HLCS: variants seen among roughly 807,000 people sequenced by gnomAD.
HLCS encodes holocarboxylase synthetase.
A neutral mutation model predicts 75.0 loss-of-function variants in HLCS; 53 were observed. That is an observed-to-expected ratio of 0.71 (90% CI 0.57 to 0.89). The LOEUF (loss-of-function observed/expected upper bound fraction) is 0.89. Among genes scored for constraint, HLCS ranks in the 40% least tolerant of loss-of-function variants. The pLI, the probability that HLCS is intolerant of heterozygous loss-of-function variation, is 0.00. For synonymous variants in HLCS, 431 were observed against 428.6 expected (o/e 1.01, Z -0.07); for missense variants, 966 against 1,074.0 (o/e 0.90, Z 1.41).
intron 6 of HLCS, among the ~76,000 whole-genome samples, chr21:36,797,007 T>C (rs897483225): frequency 5.3e-5 from 8 of 151,948 alleles, no homozygotes; most frequent in African/African-American, 1.9e-4. Context: ...GCTGGGACTA[T>C]AGGTGCACAC....
At chr21:36,896,477 CT>C in intron 6 of HLCS, 1 of 277,600 alleles carries the variant, frequency 3.6e-6, no homozygotes, top group Non-Finnish European at 6.9e-6. Context: ...TCAAATGCCC[CT>C]GAAAAACATC....
chr21:36,841,742 T>G (rs1361822200), intron 6 of HLCS, among the ~76,000 whole-genome samples: 1 of 152,234 alleles, frequency 6.6e-6, no homozygotes, highest in African/African-American at 2.4e-5. Flanking sequence ...CACAGGCAAC[T>G]AAGACGTGAG....
chr21:36,828,761 C>T (rs766642388), intron 6 of HLCS, among the ~76,000 whole-genome samples: 7 of 152,122 alleles, frequency 4.6e-5, no homozygotes, highest in African/African-American at 9.7e-5. Flanking sequence ...TACTTAAGTC[C>T]ACCATAAGCA....
intron 6 of HLCS, among the ~76,000 whole-genome samples, chr21:36,780,756 A>G (rs2060502346): frequency 1.3e-5 from 2 of 152,134 alleles, no homozygotes; most frequent in Non-Finnish European, 1.5e-5. Context: ...CAGAACCCCC[A>G]CTACTGCACA....
At chr21:36,932,075 C>T (rs995371241) in intron 4 of HLCS, among the ~76,000 whole-genome samples, 3 of 152,214 alleles carry the variant, frequency 2.0e-5, no homozygotes, top group Non-Finnish European at 2.9e-5. Flanking sequence ...ACTCCCCCAC[C>T]AGTAGTACCC....
intron 6 of HLCS, among the ~76,000 whole-genome samples, chr21:36,775,993 T>C (rs532723381): frequency 6.6e-6 from 1 of 152,338 alleles, no homozygotes; most frequent in South Asian, 2.1e-4. Flanking sequence ...GAAGAAGTCC[T>C]TCCTCACAGA....
At chr21:36,940,067 A>C (rs888297664) in intron 2 of HLCS, among the ~76,000 whole-genome samples, 8 of 152,116 alleles carry the variant, frequency 5.3e-5, no homozygotes, top group Admixed American at 4.6e-4. Flanking sequence ...AAATAAATAA[A>C]TATAATTTAA....
chr21:36,948,996 T>C (rs2067546215), intron 2 of HLCS, among the ~76,000 whole-genome samples: 2 of 152,104 alleles, frequency 1.3e-5, no homozygotes, highest in South Asian at 2.1e-4. Flanking sequence ...AGAAGAATGT[T>C]ATTATTGTGT....
chr21:36,938,421 A>C (rs1171697789), intron 3 of HLCS, among the ~76,000 whole-genome samples: 1 of 152,194 alleles, frequency 6.6e-6, no homozygotes, highest in Non-Finnish European at 1.5e-5. Flanking sequence ...AAACCTGTGG[A>C]CTGAATTAAA....
chr21:36,898,186 C>A (rs2065087938), intron 5 of HLCS, among the ~76,000 whole-genome samples: 1 of 152,126 alleles, frequency 6.6e-6, no homozygotes, highest in African/African-American at 2.4e-5. Context: ...TGGTTCACAC[C>A]TGTAATCCCA....
chr21:36,897,272 C>T, intron 5 of HLCS, 141 bp from the exon 6 acceptor site: 3 of 772,828 alleles, frequency 3.9e-6, no homozygotes, highest in East Asian at 4.9e-5. Context: ...ATATTCCATA[C>T]ATCTAAACGA....
intron 5 of HLCS, among the ~76,000 whole-genome samples, chr21:36,909,083 C>T (rs755532863): frequency 1.3e-5 from 2 of 152,066 alleles, no homozygotes; most frequent in Non-Finnish European, 2.9e-5. Context: ...GTAGTCCCAG[C>T]TACTGAGGGA....
chr21:36,980,026 CAAA>C (rs71198844), intron 1 of HLCS, among the ~76,000 whole-genome samples: 2 of 55,124 alleles, frequency 3.6e-5, no homozygotes, highest in African/African-American at 8.2e-5. Flanking sequence ...GTCCCCATCT[CAAA>C]AAAAAAAAAA....
chr21:36,956,572 CAA>C (rs955964318), intron 2 of HLCS, among the ~76,000 whole-genome samples: 10 of 151,320 alleles, frequency 6.6e-5, no homozygotes, highest in Non-Finnish European at 1.5e-4. Flanking sequence ...ACTAAACATA[CAA>C]AAAAAATTAG....
At chr21:36,897,216 T>C (rs2065051220) in intron 5 of HLCS, 85 bp from the exon 6 acceptor site, 1 of 1,330,234 alleles carries the variant, frequency 7.5e-7, no homozygotes, top group Admixed American at 1.7e-5. Flanking sequence ...GCCATTTTGG[T>C]AATATGAGTA....
At chr21:36,763,973 C>G (rs141468921) in intron 8 of HLCS, among the ~76,000 whole-genome samples, 2 of 152,342 alleles carry the variant, frequency 1.3e-5, no homozygotes, top group East Asian at 3.9e-4. Flanking sequence ...TGTTAGAGCA[C>G]AGAGTCTGGT....
chr21:36,807,654 G>A (rs992350073), intron 6 of HLCS, among the ~76,000 whole-genome samples: 5 of 152,164 alleles, frequency 3.3e-5, no homozygotes, highest in Non-Finnish European at 7.4e-5. Flanking sequence ...GACAGCATGT[G>A]ATGGTCAAGT....
In HLCS at chr21:36,752,502, C is replaced by T. The variant is rs117270429; in HGVS notation, c.*1744G>A. The stretch of plus-strand genomic sequence containing the variant: ...CATCGTTAGCCTCGAGATCTTTGTC[C>T]CTGATGATATTCTGCAGATGCCCTC... On this transcript the variant is annotated 3_prime_UTR_variant, in exon 11 of 11. Transcript: ENST00000674895. The T allele has an allele frequency of 0.013, 1,919 of 152,692 alleles. 20 individuals carry two copies. The highest frequency in any genetic ancestry group is 0.031 in the Middle Eastern group (9 of 294). 9.5% of individuals were successfully genotyped at this position (152,692 alleles called of 1,614,324 possible). A position where few individuals can be genotyped will look rare whatever the true frequency, so the allele number is the denominator to read the frequency against.
intron 6 of HLCS, among the ~76,000 whole-genome samples, chr21:36,812,288 A>G (rs2061534992): frequency 6.6e-6 from 1 of 152,202 alleles, no homozygotes; most frequent in Non-Finnish European, 1.5e-5. Context: ...ACAAATCTCA[A>G]GGAGAGGGAG....
Sources: allele counts gnomAD v4.1 joint callset (sites outside exome capture counted in the v4.1 genomes callset), GRCh38; gene constraint gnomAD v4.1.1; transcripts MANE v1.5; gene names NCBI Gene and HGNC (gene_info 2026-07-23, HGNC 2026-07-21).